Variants in BIN1 observed in about 807,000 individuals in gnomAD.
BIN1 encodes the protein myc box-dependent-interacting protein 1.
A neutral mutation model predicts 82.0 loss-of-function variants in BIN1; 53 were observed. The observed-to-expected ratio is 0.65, with a 90% CI of 0.52 to 0.81. The LOEUF is 0.81. Among genes scored for constraint, BIN1 ranks in the 40% least tolerant of loss-of-function variants. The pLI is 0.00. For synonymous variants in BIN1, 302 were observed against 328.0 expected, an observed-to-expected ratio of 0.92 and a Z score of 0.86; for missense variants, 642 against 784.4, an observed-to-expected ratio of 0.82 and a Z score of 2.17.
At chr2:127,097,569 G>A (rs780209671) in intron 1 of BIN1, among the ~76,000 whole-genome samples, 3 of 152,052 alleles carry the variant, frequency 2.0e-5, no homozygotes, top group Non-Finnish European at 4.4e-5. Context: ...CCCTAACAGG[G>A]GTGGACTCCA....
intron 2 of BIN1, among the ~76,000 whole-genome samples, chr2:127,073,983 G>A (rs577200599): frequency 1.6e-4 from 25 of 152,084 alleles, no homozygotes; most frequent in African/African-American, 5.8e-4. Context: ...TGTGCACCTG[G>A]GTCCTTGGAG....
intron 10 of BIN1, chr2:127,060,622 A>G (rs765603518): frequency 6.2e-7 from 1 of 1,614,104 alleles, no homozygotes; most frequent in Non-Finnish European, 8.5e-7. Context: ...GCAGCCGCGA[A>G]AACAGTTTAC....
At chr2:127,073,517 C>T (rs1011455210) in intron 2 of BIN1, among the ~76,000 whole-genome samples, 11 of 152,194 alleles carry the variant, frequency 7.2e-5, no homozygotes, top group Non-Finnish European at 1.5e-4. Flanking sequence ...CATCCCCAAG[C>T]CCTCGCTGCA....
chr2:127,061,404 C>T (rs1684471731), intron 10 of BIN1, among the ~76,000 whole-genome samples: 1 of 152,226 alleles, frequency 6.6e-6, no homozygotes. Context: ...CAGAGTCCAT[C>T]GGTGTTCTCT....
chr2:127,051,354 T>A, intron 15 of BIN1, 111 bp from the exon 16 acceptor site: 1 of 1,110,262 alleles, frequency 9.0e-7, no homozygotes, highest in Non-Finnish European at 1.3e-6. Context: ...GGGCATCGCC[T>A]GGCTGGCAGC....
chr2:127,063,800 ACAGGCTGGGCACCGCAGCACG>A, intron 8 of BIN1, 112 bp downstream of exon 8: 2 of 1,408,150 alleles, frequency 1.4e-6, no homozygotes, highest in Non-Finnish European at 1.0e-6. Flanking sequence ...ACTGCAGCAC[ACAGGCTGGGCACCGCAGCACG>A]CAGACTGGAC....
chr2:127,054,680 G>A (rs55636820), intron 12 of BIN1: 7,419 of 153,494 alleles, frequency 0.048, 260 homozygotes, highest in South Asian at 0.12. Context: ...AGAACCACCC[G>A]GGGCACTTGG....
In BIN1 at chr2:127,082,178, G is replaced by A. The variant is rs572749554; in HGVS notation, c.85-5472C>T. ...GCCCCCCACCTCTGGGTCCAGGCTC[G>A]CTCACTGACTCCCGGGGGCTGTCCC... On this transcript the variant is annotated intron_variant, in intron 1 of 18. Coordinates refer to ENST00000316724, the MANE Select transcript of BIN1 (RefSeq NM_139343.3). This position sits in a 1 kb window ranked among gnomAD's most constrained non-coding sequence, Gnocchi z 6.1. Among the ~76,000 whole-genome samples, 5 of 151,884 alleles carry A rather than the reference G, an allele frequency of 3.3e-5. No individual in the cohort carries two copies. Among genetic ancestry groups the A allele is most frequent in the Admixed American group, 6.6e-5 (1 of 15,266 alleles).
At chr2:127,060,806 G>A (rs568261204) in intron 10 of BIN1, among the ~76,000 whole-genome samples, 6 of 152,172 alleles carry the variant, frequency 3.9e-5, no homozygotes, top group Non-Finnish European at 2.9e-5. Context: ...GTGCTATCCC[G>A]GGGTGCCCTG....
At position 127,070,647 on chromosome 2, in the gene BIN1, G is replaced by A. The variant is rs1466528785; in HGVS notation, c.221C>T (p.Ala74Val). 6.2e-7 allele frequency: 1 copy of A among 1,614,068 alleles called. No individual in the cohort carries two copies. The highest frequency in any genetic ancestry group is 1.7e-5 in the Admixed American group (1 of 60,028). Residue 74 changes from alanine (A) to valine (V), a missense_variant and splice_region_variant, in exon 4 of 19, where the codon GCC (alanine) becomes GTC (valine). Ala to Val is a moderately conservative substitution (Grantham distance 64). Transcript: ENST00000316724. ...CAGCTTCTTGGAAGCCTCGTGCATG[G>A]CTGTGGGGCAGAAAGGAAGTATGTG... is the stretch of plus-strand genomic sequence containing the variant. Reference protein sequence around the residue: ...DLRTYLASVKAMHEASKKLNE... With the variant: ...DLRTYLASVKVMHEASKKLNE...
intron 17 of BIN1, 85 bp from the exon 18 acceptor site, chr2:127,050,607 A>G (rs1229283869): frequency 1.1e-5 from 17 of 1,485,418 alleles, no homozygotes; most frequent in Non-Finnish European, 1.6e-5. Context: ...TGGGAGGTGC[A>G]GGTGGCAGTA....
chr2:127,072,664 G>A (rs1686045568), intron 2 of BIN1, among the ~76,000 whole-genome samples: 1 of 152,050 alleles, frequency 6.6e-6, no homozygotes, highest in Admixed American at 6.5e-5. Context: ...CCCCCATAGA[G>A]TAGGGTGTAT....
At position 127,092,067 on chromosome 2, in the gene BIN1, C is replaced by T. The variant is rs115262148; in HGVS notation, c.84+14793G>A. Among the ~76,000 whole-genome samples the T allele has an allele frequency of 7.2e-3, 1,088 of 151,854 alleles. 17 individuals are homozygous for T. The highest frequency in any genetic ancestry group is 0.025 in the African/African-American group (1,037 of 41,342). On this transcript the variant is annotated intron_variant, in intron 1 of 18. Coordinates refer to ENST00000316724, the MANE Select transcript of BIN1 (RefSeq NM_139343.3). The stretch of plus-strand genomic sequence containing the variant: ...TTCCCCAGGCTCTTGGCCCAGCTCT[C>T]CGCCTGGCCCCTACCCCACATACCA...
chr2:127,083,019 C>A (rs1195646769), intron 1 of BIN1, among the ~76,000 whole-genome samples: 1 of 152,020 alleles, frequency 6.6e-6, no homozygotes, highest in African/African-American at 2.4e-5. Context: ...CTATCATCTA[C>A]CCTTCACCCA....
At chr2:127,094,552 CCT>C (rs1360966150) in intron 1 of BIN1, among the ~76,000 whole-genome samples, 2 of 152,222 alleles carry the variant, frequency 1.3e-5, no homozygotes, top group Non-Finnish European at 1.5e-5. Context: ...AGCTCCGGTC[CCT>C]CTGTCTCTCC....
chr2:127,048,195 G>A lies in BIN1; in HGVS notation c.*331C>T, dbSNP rs906318754. ...AAGAGGACCCTTGCCCGGGTGGCGC[G>A]GCCGAAGCTTCAGGCAAGCATGGTG... On this transcript the variant is annotated 3_prime_UTR_variant, in exon 19 of 19. Transcript: ENST00000316724. 6.3e-5 allele frequency: 24 copies of A among 379,222 alleles called. No homozygotes were observed. Among genetic ancestry groups the A allele is most frequent in the Admixed American group, 1.6e-4 (4 of 24,782 alleles). 23.5% of individuals were successfully genotyped at this position (379,222 alleles called of 1,614,324 possible).
rs757885823 is a variant in BIN1, at chr2:127,050,929, G to A, written c.1462-17C>T. The A allele has an allele frequency of 4.8e-5, 77 of 1,610,788 alleles. No homozygotes were observed. In the East Asian group the frequency reaches 8.2e-4, roughly 17 times the overall value. On this transcript the variant is annotated splice_polypyrimidine_tract_variant and intron_variant, in intron 16 of 18. Coordinates refer to ENST00000316724, the MANE Select transcript of BIN1 (RefSeq NM_139343.3). Reference sequence around the variant, plus strand: ...AAGAGAGCTCTGGTGGCAGAGGTACGGGTCAGCTGAGCAGGGAGGTGGTCC... The same window carrying A: ...AAGAGAGCTCTGGTGGCAGAGGTACAGGTCAGCTGAGCAGGGAGGTGGTCC...
chr2:127,053,190 G>A, intron 14 of BIN1: 1 of 626,608 alleles, frequency 1.6e-6, no homozygotes, highest in Non-Finnish European at 2.9e-6. Flanking sequence ...CCTGTCTCAA[G>A]CTAAACCGAA....
At chr2:127,051,554 T>C (rs1419017856) in intron 15 of BIN1, among the ~76,000 whole-genome samples, 1 of 151,958 alleles carries the variant, frequency 6.6e-6, no homozygotes, top group Non-Finnish European at 1.5e-5. Flanking sequence ...CCCTGCTCTC[T>C]CGGCACCAAG....
Sources: gnomAD v4.1 joint callset for allele counts (sites outside exome capture counted in the v4.1 genomes callset) on GRCh38, gnomAD v4.1.1 for gene constraint, Gnocchi (gnomAD v3.1) non-coding constraint, MANE v1.5 for transcripts, NCBI Gene and HGNC (gene_info 2026-07-23, HGNC 2026-07-21) for gene names.